LSAMP: variants seen among roughly 807,000 people sequenced by gnomAD.
The protein encoded by LSAMP is limbic system-associated membrane protein.
Under a neutral mutation model 38.6 loss-of-function variants are expected in LSAMP, and 7 were observed. That is an observed-to-expected ratio of 0.18 (90% CI 0.10 to 0.34). The LOEUF is 0.34. Ranked by LOEUF, LSAMP falls within the 10% of genes least tolerant of loss-of-function variation. The probability of loss-of-function intolerance (pLI) is 1.00; values close to 1 mark genes in which losing one functional copy is unlikely to be tolerated. For synonymous variants in LSAMP, 154 were observed against 166.8 expected (o/e 0.92, Z 0.59); for missense variants, 313 against 420.0 (o/e 0.75, Z 2.23).
At chr3:116,121,868 T>A (rs1708883397) in intron 1 of LSAMP, among the ~76,000 whole-genome samples, 1 of 147,610 alleles carries the variant, frequency 6.8e-6, no homozygotes, top group Non-Finnish European at 1.5e-5. Context: ...CTTAAAACAT[T>A]ATGAGATTTT....
chr3:115,852,718 A>C, intron 3 of LSAMP, 101 bp from the exon 4 acceptor site: 3 of 1,165,688 alleles, frequency 2.6e-6, no homozygotes, highest in South Asian at 1.9e-5. Flanking sequence ...ATTTCTTTTC[A>C]ATGATTTGAA....
At chr3:116,242,669 G>C (rs546980193) in intron 1 of LSAMP, among the ~76,000 whole-genome samples, 4 of 151,600 alleles carry the variant, frequency 2.6e-5, no homozygotes, top group Non-Finnish European at 5.9e-5. Context: ...CCAAGGCTTT[G>C]GTTCCACTTT....
chr3:115,821,357 G>T (rs1020059493), intron 6 of LSAMP, among the ~76,000 whole-genome samples: 1 of 152,194 alleles, frequency 6.6e-6, no homozygotes, highest in Non-Finnish European at 1.5e-5. Flanking sequence ...AAGAATTGAC[G>T]TTTAGTGCTT....
chr3:116,002,146 A>G lies in LSAMP; in HGVS notation c.514+17369T>C, dbSNP rs1234929603. On this transcript the variant is annotated intron_variant, in intron 3 of 6. Transcript: ENST00000490035. ...ATCAAGCTCACACAGAAGCTCTGCT[A>G]ATATTTGTCAGATTCTCACCTTGCC... is the stretch of plus-strand genomic sequence containing the variant. 3.3e-5 allele frequency among the ~76,000 whole-genome samples: 5 copies of G among 152,148 alleles called. No individual in the cohort carries two copies. The East Asian group carries it at 9.7e-4, about 29-fold the overall frequency.
At chr3:116,129,822 CG>C (rs1576381420) in intron 1 of LSAMP, among the ~76,000 whole-genome samples, 1 of 152,172 alleles carries the variant, frequency 6.6e-6, no homozygotes, top group East Asian at 1.9e-4. Flanking sequence ...TCCAGCCCTT[CG>C]GGGATGTACC....
chr3:116,414,240 A>G (rs1028042291), intron 1 of LSAMP, among the ~76,000 whole-genome samples: 10 of 152,052 alleles, frequency 6.6e-5, no homozygotes. Flanking sequence ...CTACAGGAGA[A>G]AAAAAGCCAG....
At chr3:116,272,371 A>ATAAGT (rs1271500771) in intron 1 of LSAMP, among the ~76,000 whole-genome samples, 2 of 152,146 alleles carry the variant, frequency 1.3e-5, no homozygotes, top group African/African-American at 2.4e-5. Context: ...ACTGGGCAAG[A>ATAAGT]TAAGTTTCAT....
chr3:116,350,229 G>A (rs926459948), intron 1 of LSAMP, among the ~76,000 whole-genome samples: 4 of 151,976 alleles, frequency 2.6e-5, no homozygotes, highest in African/African-American at 9.7e-5. Context: ...AGTAAAATTT[G>A]ACTGTATTCT....
intron 4 of LSAMP, among the ~76,000 whole-genome samples, chr3:115,845,246 G>A (rs1383963644): frequency 6.6e-6 from 1 of 152,172 alleles, no homozygotes; most frequent in Non-Finnish European, 1.5e-5. Flanking sequence ...ACTGTATTGT[G>A]TTCTTAAGCT....
intron 1 of LSAMP, among the ~76,000 whole-genome samples, chr3:116,174,439 T>C (rs1710285797): frequency 6.6e-6 from 1 of 151,648 alleles, no homozygotes. Flanking sequence ...ACAGATATTA[T>C]AAAAATAGCA....
At chr3:116,141,517 C>A (rs1043121173) in intron 1 of LSAMP, among the ~76,000 whole-genome samples, 1 of 152,014 alleles carries the variant, frequency 6.6e-6, no homozygotes, top group Non-Finnish European at 1.5e-5. Flanking sequence ...CCTCCTCCCC[C>A]AAATCCCAAG....
At chr3:116,045,037 T>C (rs1250939758) in intron 2 of LSAMP, among the ~76,000 whole-genome samples, 1 of 152,224 alleles carries the variant, frequency 6.6e-6, no homozygotes, top group East Asian at 1.9e-4. Flanking sequence ...TCATTCCATA[T>C]ACATGGGTTG....
chr3:116,202,512 A>G (rs576189294), intron 1 of LSAMP, among the ~76,000 whole-genome samples: 1 of 151,878 alleles, frequency 6.6e-6, no homozygotes, highest in East Asian at 1.9e-4. Context: ...TGGTGCGATC[A>G]TAGCTCACTG....
chr3:116,315,572 C>T (rs571611947), intron 1 of LSAMP, among the ~76,000 whole-genome samples: 20 of 152,232 alleles, frequency 1.3e-4, no homozygotes, highest in East Asian at 3.9e-4. Context: ...AAATAATTTA[C>T]GCTTTAAGAA....
intron 2 of LSAMP, among the ~76,000 whole-genome samples, chr3:116,070,501 G>A (rs2107379581): frequency 6.6e-6 from 1 of 152,332 alleles, no homozygotes; most frequent in East Asian, 1.9e-4. Context: ...ATAAGCTCTA[G>A]CTTGGCTAGA....
In LSAMP at chr3:115,849,413, A is replaced by T. The variant is rs553849268; in HGVS notation, c.649+3070T>A. Among the ~76,000 whole-genome samples, 40 of 152,176 alleles carry T rather than the reference A, an allele frequency of 2.6e-4. No individual in the cohort carries two copies. In the South Asian group the frequency reaches 7.5e-3, roughly 28 times the overall value. ...AGTCTCTCAGTGCCCTGCAACAAACATCTGTTGGCAACTGAGTAAATGAGT... is the reference window on the plus strand; with the variant it reads ...AGTCTCTCAGTGCCCTGCAACAAACTTCTGTTGGCAACTGAGTAAATGAGT... On this transcript the variant is annotated intron_variant, in intron 4 of 6. Coordinates refer to ENST00000490035, the MANE Select transcript of LSAMP (RefSeq NM_002338.5).
intron 3 of LSAMP, among the ~76,000 whole-genome samples, chr3:116,018,499 A>C (rs1396083852): frequency 6.6e-6 from 1 of 152,162 alleles, no homozygotes; most frequent in East Asian, 1.9e-4. Flanking sequence ...TATATGAGGA[A>C]ATTTTAAGTG....
intron 1 of LSAMP, among the ~76,000 whole-genome samples, chr3:116,226,217 C>T (rs1052500953): frequency 1.3e-5 from 2 of 152,198 alleles, no homozygotes; most frequent in Non-Finnish European, 2.9e-5. Context: ...CCTTTAGGTC[C>T]TGGGCTGTGC....
intron 4 of LSAMP, among the ~76,000 whole-genome samples, chr3:115,847,339 T>C (rs569177255): frequency 6.6e-6 from 1 of 152,324 alleles, no homozygotes; most frequent in African/African-American, 2.4e-5. Context: ...CTGTATAGAA[T>C]TTAGAAATGA....
Sources: allele counts gnomAD v4.1 joint callset (sites outside exome capture counted in the v4.1 genomes callset), GRCh38; gene constraint gnomAD v4.1.1; transcripts MANE v1.5; gene names NCBI Gene and HGNC (gene_info 2026-07-23, HGNC 2026-07-21).